Variants in TMOD1 observed in about 807,000 individuals in gnomAD.
The protein encoded by TMOD1 is tropomodulin-1.
In TMOD1, 17 loss-of-function variants were observed where a neutral mutation model predicts 40.6. The observed-to-expected ratio is 0.42, with a 90% CI of 0.29 to 0.63. The LOEUF (loss-of-function observed/expected upper bound fraction) is 0.63. TMOD1 is among the 20% of genes least tolerant of loss of function. The pLI is 0.22. For synonymous variants in TMOD1, 181 were observed against 175.0 expected (o/e 1.03, Z -0.27); for missense variants, 391 against 447.6 (o/e 0.87, Z 1.14).
intron 2 of TMOD1, among the ~76,000 whole-genome samples, chr9:97,529,927 G>C (rs1830073365): frequency 6.6e-6 from 1 of 152,146 alleles, no homozygotes; most frequent in African/African-American, 2.4e-5. Flanking sequence ...CCTCTGGGAG[G>C]GTTCAGTCAT....
At chr9:97,506,328 CATTT>C (rs144876233) in intron 1 of TMOD1, among the ~76,000 whole-genome samples, 2,321 of 152,316 alleles carry the variant, frequency 0.015, 31 homozygotes, top group Non-Finnish European at 0.021. Flanking sequence ...GTTTCTGACT[CATTT>C]ATTTCTGCTT....
chr9:97,572,012 G>C (rs1830825752), intron 8 of TMOD1, among the ~76,000 whole-genome samples: 2 of 152,220 alleles, frequency 1.3e-5, no homozygotes, highest in African/African-American at 4.8e-5. Flanking sequence ...TTGCAGAAAT[G>C]ACCATCATAC....
chr9:97,572,301 G>C (rs1409667516), intron 8 of TMOD1, among the ~76,000 whole-genome samples: 1 of 152,162 alleles, frequency 6.6e-6, no homozygotes, highest in Non-Finnish European at 1.5e-5. Flanking sequence ...GGGGTTAGGA[G>C]TCGGAGAGCT....
At chr9:97,540,356 T>C (rs1329624749) in intron 2 of TMOD1, among the ~76,000 whole-genome samples, 1 of 152,204 alleles carries the variant, frequency 6.6e-6, no homozygotes, top group African/African-American at 2.4e-5. Context: ...CGGTGACTGG[T>C]TGGGGAAGGA....
chr9:97,585,043 C>T (rs1269986388), intron 8 of TMOD1, among the ~76,000 whole-genome samples: 3 of 152,096 alleles, frequency 2.0e-5, no homozygotes, highest in Non-Finnish European at 4.4e-5. Flanking sequence ...TTGATCCTGT[C>T]ATGATGATGT....
chr9:97,524,667 A>G (rs1829976966), intron 2 of TMOD1, among the ~76,000 whole-genome samples: 1 of 152,166 alleles, frequency 6.6e-6, no homozygotes, highest in South Asian at 2.1e-4. Context: ...TCCAATACAA[A>G]TACAAATAAC....
intron 8 of TMOD1, among the ~76,000 whole-genome samples, chr9:97,571,620 A>G (rs898323254): frequency 6.6e-6 from 1 of 152,222 alleles, no homozygotes; most frequent in Admixed American, 6.5e-5. Context: ...GTGGCATTAC[A>G]ACCCATCCCT....
In TMOD1 at chr9:97,600,583, C is replaced by T. The variant is rs1208211643; in HGVS notation, c.*885C>T. On this transcript the variant is annotated 3_prime_UTR_variant, in exon 10 of 10. Transcript: ENST00000259365. ...GGTAAGACACTAGAGGGATAAATTT[C>T]CAGATCAACATGGCTATGGTATTTA... 1 of 986,074 alleles carries T rather than the reference C, an allele frequency of 1.0e-6. No homozygotes were observed. Among genetic ancestry groups the T allele is most frequent in the Non-Finnish European group, 1.2e-6 (1 of 830,544 alleles). 61.1% of individuals were successfully genotyped at this position (986,074 alleles called of 1,614,324 possible).
intron 2 of TMOD1, among the ~76,000 whole-genome samples, chr9:97,541,189 T>A (rs1173281858): frequency 1.3e-5 from 2 of 152,118 alleles, no homozygotes; most frequent in Non-Finnish European, 2.9e-5. Context: ...AAAAATTTAT[T>A]TATTTTTATT....
At chr9:97,599,010 G>T (rs1826185347) in intron 9 of TMOD1, among the ~76,000 whole-genome samples, 1 of 152,090 alleles carries the variant, frequency 6.6e-6, no homozygotes, top group African/African-American at 2.4e-5. Context: ...GCCCCTCCCT[G>T]CATCCTCATC....
intron 1 of TMOD1, among the ~76,000 whole-genome samples, chr9:97,506,646 G>A (rs1328416412): frequency 1.3e-5 from 2 of 152,230 alleles, no homozygotes; most frequent in African/African-American, 4.8e-5. Flanking sequence ...GAAATTCACA[G>A]TAACCCCATG....
intron 1 of TMOD1, among the ~76,000 whole-genome samples, chr9:97,520,565 T>A (rs1417246249): frequency 6.6e-6 from 1 of 152,202 alleles, no homozygotes; most frequent in Non-Finnish European, 1.5e-5. Flanking sequence ...GCTTCATAGT[T>A]TACCTTAGAG....
intron 2 of TMOD1, among the ~76,000 whole-genome samples, chr9:97,545,090 T>C (rs1241853629): frequency 6.6e-6 from 1 of 152,038 alleles, no homozygotes; most frequent in African/African-American, 2.4e-5. Flanking sequence ...TTGGGTGATG[T>C]TCTGCCCATA....
At chr9:97,537,780 T>A (rs996758621) in intron 2 of TMOD1, among the ~76,000 whole-genome samples, 5 of 152,246 alleles carry the variant, frequency 3.3e-5, no homozygotes, top group Non-Finnish European at 7.3e-5. Flanking sequence ...AAAACCTATG[T>A]GTATACCTCT....
chr9:97,600,751 C>T lies in TMOD1; in HGVS notation c.*1053C>T, dbSNP rs1255061693. The T allele has an allele frequency of 2.2e-5, 22 of 1,006,536 alleles. No individual in the cohort carries two copies. Among genetic ancestry groups the T allele is most frequent in the Non-Finnish European group, 2.6e-5 (22 of 842,728 alleles). 62.4% of individuals were successfully genotyped at this position (1,006,536 alleles called of 1,614,324 possible). On this transcript the variant is annotated 3_prime_UTR_variant, in exon 10 of 10. Coordinates refer to ENST00000259365, the MANE Select transcript of TMOD1 (RefSeq NM_003275.4). Reference sequence around the variant, plus strand: ...TCCAGATATCAAGGAATTGGGAAATCCTGGCCAAACCACCCCAAGATGATT... The same window carrying T: ...TCCAGATATCAAGGAATTGGGAAATTCTGGCCAAACCACCCCAAGATGATT...
At chr9:97,579,274 C>T (rs1825686096) in intron 8 of TMOD1, among the ~76,000 whole-genome samples, 1 of 152,152 alleles carries the variant, frequency 6.6e-6, no homozygotes, top group African/African-American at 2.4e-5. Flanking sequence ...CAAGCATGTT[C>T]CTGTTTCCTC....
chr9:97,559,772 T>TAAAAAA lies in TMOD1; in HGVS notation c.398-2942_398-2937dup, dbSNP rs58522887. 2.1e-3 allele frequency among the ~76,000 whole-genome samples: 78 copies of TAAAAAA among 36,836 alleles called. 1 individual carries two copies. Among genetic ancestry groups the TAAAAAA allele is most frequent in the South Asian group, 8.6e-3 (6 of 698 alleles). 24.2% of individuals were successfully genotyped at this position (36,836 alleles called of 152,430 possible). On this transcript the variant is annotated intron_variant, in intron 4 of 9. Transcript: ENST00000259365. ...AGAGCGAGACTCCGCCTCAAAAATTTAAAAAAAAAAAAAAAAAAAAAAATA... is the reference window on the plus strand; with the variant it reads ...AGAGCGAGACTCCGCCTCAAAAATTTAAAAAAAAAAAAAAAAAAAAAAAAAAAAATA...
rs527665671 is a variant in TMOD1, at chr9:97,533,366, G to T, written c.120+9058G>T. On this transcript the variant is annotated intron_variant, in intron 2 of 9. Coordinates refer to ENST00000259365, the MANE Select transcript of TMOD1 (RefSeq NM_003275.4). ...AAATGTGAGCCTGAGTATATGATTT[G>T]TCCACTAGAATCTAAGTTTTTTGAG... is the stretch of plus-strand genomic sequence containing the variant. Among the ~76,000 whole-genome samples, 291 of 152,348 alleles carry T rather than the reference G, an allele frequency of 1.9e-3. 2 individuals are homozygous for T. Among genetic ancestry groups the T allele is most frequent in the African/African-American group, 6.7e-3 (279 of 41,574 alleles).
At chr9:97,524,791 T>C (rs7019830) in intron 2 of TMOD1, among the ~76,000 whole-genome samples, 106,303 of 151,812 alleles carry the variant, frequency 0.7, 37,331 homozygotes, top group East Asian at 0.8. Context: ...GGAGGAAATT[T>C]CCGCTTACTT....
Sources: allele counts gnomAD v4.1 joint callset (sites outside exome capture counted in the v4.1 genomes callset), GRCh38; gene constraint gnomAD v4.1.1; transcripts MANE v1.5; gene names NCBI Gene and HGNC (gene_info 2026-07-23, HGNC 2026-07-21).